SLC30A9: variants seen among roughly 807,000 people sequenced by gnomAD.
SLC30A9 encodes the protein proton-coupled zinc antiporter SLC30A9, mitochondrial.
SLC30A9 carries 58 observed loss-of-function variants against 87.5 expected under a neutral mutation model. That is an observed-to-expected ratio of 0.66 (90% CI 0.54 to 0.82). The LOEUF is 0.82. Among genes scored for constraint, SLC30A9 ranks in the 40% least tolerant of loss-of-function variants. SLC30A9 has a pLI of 0.00. For synonymous variants in SLC30A9, 234 were observed against 233.0 expected, an observed-to-expected ratio of 1.00 and a Z score of -0.04; for missense variants, 557 against 679.1, an observed-to-expected ratio of 0.82 and a Z score of 2.00.
At chr4:42,027,855 G>T (rs1716258883) in intron 6 of SLC30A9, among the ~76,000 whole-genome samples, 1 of 152,196 alleles carries the variant, frequency 6.6e-6, no homozygotes, top group African/African-American at 2.4e-5. Context: ...ATTAAGTCCT[G>T]TTTAATTTAA....
At chr4:41,992,953 A>T (rs1714516717) in intron 1 of SLC30A9, among the ~76,000 whole-genome samples, 1 of 152,054 alleles carries the variant, frequency 6.6e-6, no homozygotes, top group Admixed American at 6.5e-5. Flanking sequence ...TGTGGCTGGG[A>T]AAAGCTTATA....
intron 9 of SLC30A9, among the ~76,000 whole-genome samples, chr4:42,057,415 A>G (rs1186809656): frequency 6.6e-6 from 1 of 152,192 alleles, no homozygotes; most frequent in African/African-American, 2.4e-5. Flanking sequence ...CCACAGGCCC[A>G]ACACCACGTG....
intron 4 of SLC30A9, among the ~76,000 whole-genome samples, chr4:42,022,473 G>A (rs1440185483): frequency 6.6e-6 from 1 of 151,264 alleles, no homozygotes; most frequent in Non-Finnish European, 1.5e-5. Context: ...CACCCACCTC[G>A]GCCTCTCAAA....
chr4:42,060,292 T>C, intron 10 of SLC30A9, 46 bp downstream of exon 10: 1 of 1,384,670 alleles, frequency 7.2e-7, no homozygotes, highest in South Asian at 1.2e-5. Flanking sequence ...TGGCGATAAG[T>C]CATTGAAATA....
intron 10 of SLC30A9, 100 bp from the exon 11 acceptor site, chr4:42,062,886 T>G: frequency 1.0e-6 from 1 of 968,568 alleles, no homozygotes; most frequent in Non-Finnish European, 1.5e-6. Flanking sequence ...AATTATAACA[T>G]CTTGATATTG....
intron 1 of SLC30A9, among the ~76,000 whole-genome samples, chr4:41,993,546 A>G (rs1212743148): frequency 6.6e-6 from 1 of 152,218 alleles, no homozygotes. Flanking sequence ...CAGAGACTTT[A>G]AAGGGTTTTA....
intron 17 of SLC30A9, among the ~76,000 whole-genome samples, chr4:42,081,316 A>T (rs1718734182): frequency 6.6e-6 from 1 of 151,982 alleles, no homozygotes; most frequent in Non-Finnish European, 1.5e-5. Flanking sequence ...CTTTTTTTTT[A>T]ATGTCAAGTG....
At chr4:42,034,977 A>G (rs1476049617) in intron 6 of SLC30A9, among the ~76,000 whole-genome samples, 4 of 152,116 alleles carry the variant, frequency 2.6e-5, no homozygotes, top group Admixed American at 2.6e-4. Flanking sequence ...TAGCCATCCT[A>G]ATGGATGTGA....
intron 8 of SLC30A9, among the ~76,000 whole-genome samples, chr4:42,044,686 G>T (rs1717071279): frequency 6.6e-6 from 1 of 152,152 alleles, no homozygotes; most frequent in Non-Finnish European, 1.5e-5. Flanking sequence ...GGATATTCAG[G>T]ACTTGAACTC....
intron 6 of SLC30A9, among the ~76,000 whole-genome samples, chr4:42,026,495 C>T (rs1028660491): frequency 6.6e-5 from 10 of 152,078 alleles, no homozygotes; most frequent in East Asian, 1.9e-4. Context: ...ATCTGTTAAA[C>T]GACTAACAGA....
Position 42,040,694 on chromosome 4 carries a change from G to A in SLC30A9, c.737+1641G>A, listed in dbSNP as rs565243537. Among the ~76,000 whole-genome samples the A allele has an allele frequency of 2.9e-4, 44 of 151,328 alleles. 1 individual carries two copies. Among genetic ancestry groups the A allele is most frequent in the Admixed American group, 2.6e-3 (39 of 15,142 alleles). Reference sequence around the variant, plus strand: ...GCCTGTAGTCCCAGCTACTTGAGAGGCTGAGGCAGGAGAATGGTGTGAACC... The same window carrying A: ...GCCTGTAGTCCCAGCTACTTGAGAGACTGAGGCAGGAGAATGGTGTGAACC... On this transcript the variant is annotated intron_variant, in intron 8 of 17. Coordinates refer to ENST00000264451, the MANE Select transcript of SLC30A9 (RefSeq NM_006345.4).
At chr4:42,064,069 A>G (rs939603210) in intron 11 of SLC30A9, among the ~76,000 whole-genome samples, 1 of 152,208 alleles carries the variant, frequency 6.6e-6, no homozygotes, top group African/African-American at 2.4e-5. Flanking sequence ...GTATGGATGT[A>G]TCACTCAGGT....
At chr4:42,076,306 A>G (rs1014870074) in intron 16 of SLC30A9, among the ~76,000 whole-genome samples, 1 of 152,230 alleles carries the variant, frequency 6.6e-6, no homozygotes, top group African/African-American at 2.4e-5. Flanking sequence ...TCTTAAAAAA[A>G]GAAATAATTA....
intron 2 of SLC30A9, among the ~76,000 whole-genome samples, chr4:42,014,330 T>C (rs570941020): frequency 6.6e-6 from 1 of 152,082 alleles, no homozygotes; most frequent in African/African-American, 2.4e-5. Flanking sequence ...TGGAGGACCC[T>C]CAAAAAACCA....
intron 6 of SLC30A9, among the ~76,000 whole-genome samples, chr4:42,031,307 C>T (rs1716425969): frequency 6.6e-6 from 1 of 151,432 alleles, no homozygotes; most frequent in South Asian, 2.1e-4. Flanking sequence ...GATATATTTT[C>T]CAAGCCCAAC....
At chr4:42,076,828 G>A (rs777927643) in intron 16 of SLC30A9, among the ~76,000 whole-genome samples, 8 of 152,026 alleles carry the variant, frequency 5.3e-5, no homozygotes, top group Non-Finnish European at 8.8e-5. Context: ...TGGGTGTGGT[G>A]GTGCGTGCCT....
At chr4:42,076,456 AT>A (rs1463570231) in intron 16 of SLC30A9, among the ~76,000 whole-genome samples, 6 of 152,138 alleles carry the variant, frequency 3.9e-5, no homozygotes, top group African/African-American at 1.4e-4. Context: ...TTAGTGTAAT[AT>A]GTAACATTTT....
intron 7 of SLC30A9, 29 bp downstream of exon 7, chr4:42,035,362 GT>G (rs1360281781): frequency 6.3e-7 from 1 of 1,596,318 alleles, no homozygotes; most frequent in Non-Finnish European, 8.5e-7. Flanking sequence ...TAATGTGTGT[GT>G]TTGTGTTGCA....
rs1002884823 is a variant in SLC30A9 at position 42,067,735 on chromosome 4, A to G, written c.1252+543A>G. On this transcript the variant is annotated intron_variant, in intron 14 of 17. Coordinates refer to ENST00000264451, the MANE Select transcript of SLC30A9 (RefSeq NM_006345.4). ...ACATAGGTTTTCTTTGGGCACCCCAACTTCCTCCCACATCACAATGCCGTA... is the reference window on the plus strand; with the variant it reads ...ACATAGGTTTTCTTTGGGCACCCCAGCTTCCTCCCACATCACAATGCCGTA... Among the ~76,000 whole-genome samples the G allele has an allele frequency of 5.9e-5, 9 of 152,266 alleles. No individual in the cohort carries two copies. The South Asian group carries it at 1.2e-3, about 21-fold the overall frequency.
Sources: allele counts gnomAD v4.1 joint callset (sites outside exome capture counted in the v4.1 genomes callset), GRCh38; gene constraint gnomAD v4.1.1; transcripts MANE v1.5; gene names NCBI Gene and HGNC (gene_info 2026-07-23, HGNC 2026-07-21).